Variants in TRAPPC9 observed in about 807,000 individuals in gnomAD.
The protein encoded by TRAPPC9 is IKK2 binding protein.
Under a neutral mutation model 124.0 loss-of-function variants are expected in TRAPPC9, and 83 were observed. That is an observed-to-expected ratio of 0.67 (90% CI 0.56 to 0.80). The LOEUF (loss-of-function observed/expected upper bound fraction) is 0.80. Ranked by LOEUF, TRAPPC9 falls within the 30% of genes least tolerant of loss-of-function variation. The probability of loss-of-function intolerance (pLI) is 0.00; values close to 1 mark genes in which losing one functional copy is unlikely to be tolerated. For synonymous variants in TRAPPC9, 638 were observed against 617.5 expected, an observed-to-expected ratio of 1.03 and a Z score of -0.49; for missense variants, 1,302 against 1,508.3, an observed-to-expected ratio of 0.86 and a Z score of 2.27.
At chr8:140,075,430 G>T (rs1587652512) in intron 17 of TRAPPC9, among the ~76,000 whole-genome samples, 2 of 152,304 alleles carry the variant, frequency 1.3e-5, no homozygotes, top group Admixed American at 1.3e-4. Context: ...CCTCAACTCT[G>T]TCATTATGGA....
Position 140,162,973 on chromosome 8 carries a change from C to T in TRAPPC9, c.2556+58486G>A, listed in dbSNP as rs573167317. On this transcript the variant is annotated intron_variant, in intron 17 of 22. Transcript: ENST00000438773. ...CACCACCATACTCCAGTCTGGGCAA[C>T]AGAGCAAGACCCTGTCTCAAAAAAA... is the stretch of plus-strand genomic sequence containing the variant. Among the ~76,000 whole-genome samples, 10 of 152,186 alleles carry T rather than the reference C, an allele frequency of 6.6e-5. No individual in the cohort carries two copies. In the East Asian group the frequency reaches 1.7e-3, roughly 26 times the overall value.
chr8:139,983,182 T>A (rs2131676579), intron 19 of TRAPPC9, among the ~76,000 whole-genome samples: 1 of 152,196 alleles, frequency 6.6e-6, no homozygotes, highest in Admixed American at 6.5e-5. Context: ...AGCCTCCAAC[T>A]ACGAAGCAGG....
At chr8:140,041,419 A>C (rs536227456) in intron 17 of TRAPPC9, among the ~76,000 whole-genome samples, 1 of 152,366 alleles carries the variant, frequency 6.6e-6, no homozygotes, top group Admixed American at 6.5e-5. Flanking sequence ...TCAAAGATTA[A>C]ATGATTTTTT....
At chr8:140,069,886 G>C (rs911679547) in intron 17 of TRAPPC9, among the ~76,000 whole-genome samples, 1 of 152,234 alleles carries the variant, frequency 6.6e-6, no homozygotes, top group African/African-American at 2.4e-5. Flanking sequence ...GTCAGTCCTA[G>C]AGTCCAAAGG....
chr8:140,048,918 A>C (rs745507604), intron 17 of TRAPPC9, among the ~76,000 whole-genome samples: 1 of 152,310 alleles, frequency 6.6e-6, no homozygotes, highest in East Asian at 1.9e-4. Flanking sequence ...AGGTGTCATT[A>C]ATCTTTATAC....
At chr8:139,882,655 G>A (rs565655834) in intron 21 of TRAPPC9, among the ~76,000 whole-genome samples, 2 of 152,286 alleles carry the variant, frequency 1.3e-5, no homozygotes, top group South Asian at 4.2e-4. Flanking sequence ...TCAGCACAGG[G>A]GGTAGGAGGG....
Position 140,087,633 on chromosome 8 carries a change from C to A in TRAPPC9, c.2557-63554G>T, listed in dbSNP as rs1844282270. Reference sequence around the variant, plus strand: ...TTCTTCAGTGCATCTAAGGTCTGACCACTGTCGCCAACCTCCTCTGCTGCC... The same window carrying A: ...TTCTTCAGTGCATCTAAGGTCTGACAACTGTCGCCAACCTCCTCTGCTGCC... On this transcript the variant is annotated intron_variant, in intron 17 of 22. Coordinates refer to ENST00000438773, the MANE Select transcript of TRAPPC9 (RefSeq NM_001160372.4). This position sits in a 1 kb window ranked among gnomAD's most constrained non-coding sequence, Gnocchi z 4.6. Among the ~76,000 whole-genome samples the A allele has an allele frequency of 6.6e-6, 1 of 152,146 alleles. No individual in the cohort carries two copies. Among genetic ancestry groups the A allele is most frequent in the African/African-American group, 2.4e-5 (1 of 41,432 alleles).
intron 19 of TRAPPC9, chr8:139,913,823 G>A (rs1831919218): frequency 6.6e-6 from 1 of 152,224 alleles, no homozygotes; most frequent in South Asian, 2.1e-4. Context: ...ACCACAGAGG[G>A]GCTCTACCTA....
At chr8:139,921,088 T>C (rs1832475046) in intron 19 of TRAPPC9, among the ~76,000 whole-genome samples, 1 of 152,172 alleles carries the variant, frequency 6.6e-6, no homozygotes, top group Non-Finnish European at 1.5e-5. Flanking sequence ...CTCATGTAAT[T>C]TGGATCTTGC....
chr8:140,288,865 G>A (rs889537551), intron 12 of TRAPPC9, among the ~76,000 whole-genome samples: 46 of 152,210 alleles, frequency 3.0e-4, no homozygotes, highest in African/African-American at 9.4e-4. Flanking sequence ...AGCCCTGGGC[G>A]AAGGGGGAAA....
At position 139,959,526 on chromosome 8, in the gene TRAPPC9, C is replaced by T. The variant is rs534662742; in HGVS notation, c.2810+29200G>A. On this transcript the variant is annotated intron_variant, in intron 19 of 22. Coordinates refer to ENST00000438773, the MANE Select transcript of TRAPPC9 (RefSeq NM_001160372.4). ...TGGACCTTGAGCTGTTGGGCACCAA[C>T]GCTGGCAAGCCCTCTTAAGGAAGAG... Among the ~76,000 whole-genome samples, 22 of 152,322 alleles carry T rather than the reference C, an allele frequency of 1.4e-4. No individual in the cohort carries two copies. In the South Asian group the frequency reaches 1.9e-3, roughly 13 times the overall value.
chr8:139,866,595 A>G (rs930311656), intron 21 of TRAPPC9, among the ~76,000 whole-genome samples: 34 of 152,164 alleles, frequency 2.2e-4, no homozygotes, highest in African/African-American at 6.0e-4. Flanking sequence ...CCGATAAGTT[A>G]CAGATTACAG....
At chr8:140,077,704 C>T (rs1393699838) in intron 17 of TRAPPC9, among the ~76,000 whole-genome samples, 1 of 152,098 alleles carries the variant, frequency 6.6e-6, no homozygotes, top group Non-Finnish European at 1.5e-5. Context: ...GGAGTCGCTT[C>T]CTGAACAAGG....
chr8:140,321,860 G>A (rs907191057), intron 9 of TRAPPC9, among the ~76,000 whole-genome samples: 1 of 152,208 alleles, frequency 6.6e-6, no homozygotes, highest in African/African-American at 2.4e-5. Context: ...AGCTGCCACA[G>A]AAATCCAGGC....
At chr8:139,932,006 A>T (rs1833176305) in intron 19 of TRAPPC9, 1 of 244,156 alleles carries the variant, frequency 4.1e-6, no homozygotes, top group African/African-American at 2.3e-5. Flanking sequence ...TTATGCTTCA[A>T]TTTTTTCCCT....
At chr8:140,258,445 T>C (rs972246599) in intron 15 of TRAPPC9, among the ~76,000 whole-genome samples, 1 of 152,240 alleles carries the variant, frequency 6.6e-6, no homozygotes, top group Admixed American at 6.5e-5. Context: ...TTGAAGCACA[T>C]GGCACTAACC....
At position 140,104,777 on chromosome 8, in the gene TRAPPC9, C is replaced by G. The variant is rs1347225363; in HGVS notation, c.2557-80698G>C. ...AAGAACGGTTCACACCGACAAGGTA[C>G]TTCTTAAACATCCTTCTTGTGATTA... On this transcript the variant is annotated intron_variant, in intron 17 of 22. Coordinates refer to ENST00000438773, the MANE Select transcript of TRAPPC9 (RefSeq NM_001160372.4). The surrounding 1 kb of genome is among the most constrained non-coding windows in gnomAD (Gnocchi z 4.0). Among the ~76,000 whole-genome samples the G allele has an allele frequency of 6.6e-6, 1 of 152,244 alleles. No homozygotes were observed. The highest frequency in any genetic ancestry group is 1.9e-4 in the East Asian group (1 of 5,200).
At chr8:140,111,756 G>A (rs2060780302) in intron 17 of TRAPPC9, among the ~76,000 whole-genome samples, 1 of 152,268 alleles carries the variant, frequency 6.6e-6, no homozygotes, top group Non-Finnish European at 1.5e-5. Context: ...GCGACTCGCT[G>A]TTAAGAACAA....
intron 4 of TRAPPC9, among the ~76,000 whole-genome samples, chr8:140,434,492 T>C (rs1351359461): frequency 6.6e-6 from 1 of 152,160 alleles, no homozygotes; most frequent in Non-Finnish European, 1.5e-5. Context: ...CTTATTAAAA[T>C]TGACCTCTGG....
Sources: allele counts gnomAD v4.1 joint callset (sites outside exome capture counted in the v4.1 genomes callset), GRCh38; gene constraint gnomAD v4.1.1; non-coding constraint Gnocchi (gnomAD v3.1); transcripts MANE v1.5; gene names NCBI Gene and HGNC (gene_info 2026-07-23, HGNC 2026-07-21).